The following ULK4 variants were observed in gnomAD, a reference collection of about 807,000 sequenced individuals.
ULK4 encodes the protein inactive serine/threonine-protein kinase ULK4.
In ULK4, 133 loss-of-function variants were observed where a neutral mutation model predicts 160.6. The observed-to-expected ratio is 0.83, with a 90% CI of 0.72 to 0.96. The LOEUF is 0.96. Ranked by LOEUF, ULK4 falls within the 40% of genes least tolerant of loss-of-function variation. ULK4 has a pLI of 0.00. For synonymous variants in ULK4, 534 were observed against 539.8 expected (o/e 0.99, Z 0.15); for missense variants, 1,580 against 1,499.5 (o/e 1.05, Z -0.89).
intron 34 of ULK4, among the ~76,000 whole-genome samples, chr3:41,448,791 C>G (rs2083362685): frequency 6.6e-6 from 1 of 152,184 alleles, no homozygotes; most frequent in Admixed American, 6.5e-5. Context: ...AAGGAAAAGA[C>G]AAGAATGATG....
intron 31 of ULK4, among the ~76,000 whole-genome samples, chr3:41,596,378 G>A (rs187608249): frequency 1.3e-5 from 2 of 152,316 alleles, no homozygotes; most frequent in African/African-American, 4.8e-5. Context: ...GGAGAGTTAG[G>A]AGTTGGACTT....
intron 17 of ULK4, among the ~76,000 whole-genome samples, chr3:41,848,858 AATAG>A (rs1017810022): frequency 2.0e-5 from 3 of 152,242 alleles, no homozygotes; most frequent in Non-Finnish European, 4.4e-5. Flanking sequence ...CTTAAAAAGT[AATAG>A]ATAGTGCTGT....
intron 32 of ULK4, among the ~76,000 whole-genome samples, chr3:41,531,488 GAGGAGAGA>G (rs2086315078): frequency 7.1e-6 from 1 of 139,992 alleles, no homozygotes; most frequent in African/African-American, 2.8e-5. Flanking sequence ...GGGGAGAGGA[GAGGAGAGA>G]AGAAGAAAAA....
intron 32 of ULK4, among the ~76,000 whole-genome samples, chr3:41,520,757 A>G (rs79904876): frequency 0.024 from 3,725 of 152,244 alleles, 142 homozygotes; most frequent in African/African-American, 0.08. Context: ...TATACTATAC[A>G]CTAGGTGAAG....
At chr3:41,539,807 T>C (rs934172425) in intron 32 of ULK4, among the ~76,000 whole-genome samples, 2 of 152,122 alleles carry the variant, frequency 1.3e-5, no homozygotes, top group Non-Finnish European at 1.5e-5. Context: ...TCTGGGACTT[T>C]TGTCCTCCAT....
At chr3:41,258,974 A>G (rs1445615111) in intron 35 of ULK4, among the ~76,000 whole-genome samples, 1 of 150,060 alleles carries the variant, frequency 6.7e-6, no homozygotes, top group Non-Finnish European at 1.5e-5. Flanking sequence ...ATATATGTGT[A>G]TATATATACA....
chr3:41,370,717 C>T (rs1243431361), intron 35 of ULK4, among the ~76,000 whole-genome samples: 1 of 152,212 alleles, frequency 6.6e-6, no homozygotes, highest in Non-Finnish European at 1.5e-5. Context: ...GGGTTTCATG[C>T]ACAAAACTGG....
chr3:41,682,655 A>G (rs1013250693), intron 27 of ULK4, among the ~76,000 whole-genome samples: 4 of 152,344 alleles, frequency 2.6e-5, no homozygotes, highest in African/African-American at 9.6e-5. Context: ...TAGGAAATTT[A>G]TATGTGACAG....
At chr3:41,303,791 G>C (rs941706980) in intron 35 of ULK4, among the ~76,000 whole-genome samples, 6 of 152,128 alleles carry the variant, frequency 3.9e-5, no homozygotes, top group African/African-American at 1.4e-4. Flanking sequence ...AGCTGTGCCA[G>C]GGGGAAGAGC....
chr3:41,901,472 G>A (rs1334644794), intron 12 of ULK4, among the ~76,000 whole-genome samples: 7 of 30,874 alleles, frequency 2.3e-4, no homozygotes, highest in Non-Finnish European at 9.2e-4. Context: ...GAGCCACCAC[G>A]CCCAGCCTTT....
intron 32 of ULK4, among the ~76,000 whole-genome samples, chr3:41,535,579 C>A (rs1044465643): frequency 6.6e-6 from 1 of 152,140 alleles, no homozygotes; most frequent in Non-Finnish European, 1.5e-5. Context: ...TGATCAAAAG[C>A]AAAGATTTAC....
chr3:41,734,035 G>A (rs1245136818), intron 22 of ULK4, among the ~76,000 whole-genome samples: 1 of 152,102 alleles, frequency 6.6e-6, no homozygotes, highest in East Asian at 1.9e-4. Flanking sequence ...ACTGCGCCCA[G>A]CTAGATGTTT....
rs1165381982 is a variant in ULK4 at position 41,420,475 on chromosome 3, CTTTTTTTT to C, written c.3493-22219_3493-22212del. ...GGATTTTTCAGTTTTCCAGTTCTTT[CTTTTTTTT>C]TTTTTTTTTTTTTTTTTGAGATGGA... On this transcript the variant is annotated intron_variant, in intron 34 of 36. Transcript: ENST00000301831. Among the ~76,000 whole-genome samples the C allele has an allele frequency of 2.2e-4, 9 of 41,184 alleles. No individual in the cohort carries two copies. The East Asian group carries it at 2.4e-3, about 11-fold the overall frequency. The allele number at this position is 41,184 out of a possible 152,430, so 27.0% of individuals were successfully genotyped here.
intron 32 of ULK4, among the ~76,000 whole-genome samples, chr3:41,529,191 A>G (rs1038115218): frequency 6.6e-6 from 1 of 152,190 alleles, no homozygotes; most frequent in African/African-American, 2.4e-5. Context: ...TGTGTAATTA[A>G]AGTTCAATTT....
intron 17 of ULK4, among the ~76,000 whole-genome samples, chr3:41,855,714 T>C (rs1424732903): frequency 6.6e-6 from 1 of 152,328 alleles, no homozygotes; most frequent in East Asian, 1.9e-4. Flanking sequence ...TTAAATTGCA[T>C]TTTTCTGCTT....
At chr3:41,680,884 T>C (rs985453324) in intron 29 of ULK4, among the ~76,000 whole-genome samples, 20 of 152,208 alleles carry the variant, frequency 1.3e-4, no homozygotes, top group Admixed American at 1.1e-3. Flanking sequence ...GAAACTAGCT[T>C]TGATAAAATT....
At chr3:41,760,343 A>T (rs111307523) in intron 21 of ULK4, among the ~76,000 whole-genome samples, 3,250 of 152,300 alleles carry the variant, frequency 0.021, 60 homozygotes, top group Middle Eastern at 0.054. Flanking sequence ...GAATCCTGGA[A>T]AACAGTTTGG....
At chr3:41,648,046 G>A (rs188356644) in intron 30 of ULK4, among the ~76,000 whole-genome samples, 52 of 152,304 alleles carry the variant, frequency 3.4e-4, no homozygotes, top group East Asian at 2.5e-3. Flanking sequence ...TAAGCCCGTC[G>A]GAAAAGCGCA....
intron 17 of ULK4, among the ~76,000 whole-genome samples, chr3:41,844,765 A>C: frequency 6.9e-6 from 1 of 145,082 alleles, no homozygotes; most frequent in Admixed American, 7.2e-5. Context: ...CACTACAGTC[A>C]CTCGGAAAAC....
Sources: gnomAD v4.1 joint callset for allele counts (sites outside exome capture counted in the v4.1 genomes callset) on GRCh38, gnomAD v4.1.1 for gene constraint, MANE v1.5 for transcripts, NCBI Gene and HGNC (gene_info 2026-07-23, HGNC 2026-07-21) for gene names.